LRP1B: variants seen among roughly 807,000 people sequenced by gnomAD.
LRP1B encodes the protein LDL receptor related protein 1B, also known as low-density lipoprotein receptor-related protein 1B.
In LRP1B, 217 loss-of-function variants were observed where a neutral mutation model predicts 556.6. The ratio of observed to expected loss-of-function variants is 0.39; its 90% CI spans 0.35 to 0.44. LRP1B has a LOEUF of 0.44. LRP1B is among the 20% of genes least tolerant of loss of function. The pLI, the probability that LRP1B is intolerant of heterozygous loss-of-function variation, is 1.00. For missense variants in LRP1B, 5,053 were observed against 5,620.8 expected, an observed-to-expected ratio of 0.90 and a Z score of 3.23; for synonymous variants, 2,047 against 1,865.8, an observed-to-expected ratio of 1.10 and a Z score of -2.50.
At chr2:141,238,713 G>A (rs1378592392) in intron 5 of LRP1B, among the ~76,000 whole-genome samples, 2 of 152,046 alleles carry the variant, frequency 1.3e-5, no homozygotes, top group African/African-American at 2.4e-5. Context: ...TTTAGAGAGA[G>A]TAATCTAATT....
intron 3 of LRP1B, among the ~76,000 whole-genome samples, chr2:141,327,868 T>C (rs1265055038): frequency 1.5e-5 from 2 of 131,202 alleles, no homozygotes; most frequent in African/African-American, 3.3e-5. Context: ...GGTAGATAGA[T>C]AAAGAGTGAG....
chr2:140,815,437 G>T (rs1400141045), intron 31 of LRP1B, among the ~76,000 whole-genome samples: 1 of 152,034 alleles, frequency 6.6e-6, no homozygotes, highest in Non-Finnish European at 1.5e-5. Context: ...CTCCTGAGCT[G>T]CTGGAATTAT....
At chr2:141,125,571 C>T (rs983606913) in intron 7 of LRP1B, among the ~76,000 whole-genome samples, 1 of 152,152 alleles carries the variant, frequency 6.6e-6, no homozygotes, top group Non-Finnish European at 1.5e-5. Flanking sequence ...GTTCTATTTA[C>T]TTCTCCACTG....
intron 86 of LRP1B, among the ~76,000 whole-genome samples, chr2:140,262,638 G>T (rs1227836972): frequency 2.6e-5 from 4 of 152,078 alleles, no homozygotes; most frequent in Admixed American, 6.6e-5. Flanking sequence ...GTCAAGATAG[G>T]AGACTGATGT....
At chr2:141,245,093 A>G (rs551706046) in intron 5 of LRP1B, among the ~76,000 whole-genome samples, 1 of 152,278 alleles carries the variant, frequency 6.6e-6, no homozygotes, top group South Asian at 2.1e-4. Context: ...TCTGTGTAGC[A>G]CTAGTGTGTG....
chr2:142,029,967 C>T (rs1231704151), intron 1 of LRP1B, among the ~76,000 whole-genome samples: 1 of 151,354 alleles, frequency 6.6e-6, no homozygotes, highest in African/African-American at 2.4e-5. Context: ...CTGACCTTAA[C>T]TTTTTTTCTA....
At chr2:141,873,899 G>A (rs1318114171) in intron 1 of LRP1B, among the ~76,000 whole-genome samples, 1 of 151,670 alleles carries the variant, frequency 6.6e-6, no homozygotes, top group African/African-American at 2.4e-5. Flanking sequence ...GTATAGCCTA[G>A]TGAATTTTCA....
At chr2:140,562,191 G>T (rs1166392645) in intron 43 of LRP1B, among the ~76,000 whole-genome samples, 1 of 152,098 alleles carries the variant, frequency 6.6e-6, no homozygotes, top group African/African-American at 2.4e-5. Flanking sequence ...AAAGTTTAGT[G>T]ACTTTATCTT....
chr2:141,927,799 A>G (rs1321126047), intron 1 of LRP1B, among the ~76,000 whole-genome samples: 18 of 148,956 alleles, frequency 1.2e-4, no homozygotes, highest in African/African-American at 3.7e-4. Context: ...CTAACATTAC[A>G]TGTGTCTTCT....
At chr2:141,971,118 G>A (rs939828309) in intron 1 of LRP1B, among the ~76,000 whole-genome samples, 3 of 151,418 alleles carry the variant, frequency 2.0e-5, no homozygotes, top group Non-Finnish European at 4.4e-5. Flanking sequence ...AAATCCTTTT[G>A]AGCATGGAGC....
intron 3 of LRP1B, among the ~76,000 whole-genome samples, chr2:141,368,694 AGTTGTGAT>A (rs1355555488): frequency 6.6e-6 from 1 of 152,198 alleles, no homozygotes; most frequent in Non-Finnish European, 1.5e-5. Flanking sequence ...GCTTTATCAC[AGTTGTGAT>A]TTCTTATAAA....
intron 1 of LRP1B, among the ~76,000 whole-genome samples, chr2:141,998,229 A>T (rs1702554125): frequency 6.6e-6 from 1 of 152,236 alleles, no homozygotes; most frequent in East Asian, 1.9e-4. Flanking sequence ...GATTTCTATA[A>T]TTGTATGTTT....
intron 3 of LRP1B, among the ~76,000 whole-genome samples, chr2:141,273,918 T>G (rs569126618): frequency 1.4e-4 from 21 of 152,362 alleles, no homozygotes; most frequent in African/African-American, 4.6e-4. Context: ...TGCAGATATT[T>G]CTGTAAAGAA....
Position 140,233,095 on chromosome 2 carries a change from C to G in LRP1B, c.*91G>C, listed in dbSNP as rs909062418. The G allele has an allele frequency of 1.2e-6, 1 of 805,360 alleles. No individual in the cohort carries two copies. The highest frequency in any genetic ancestry group is 1.8e-5 in the African/African-American group (1 of 55,454). The allele number at this position is 805,360 out of a possible 1,614,324, so 49.9% of individuals were successfully genotyped here. ...GAAAAAGATAAAGAAAGAGGTAATG[C>G]TGATGCCAAAACAAGTATAATACTG... On this transcript the variant is annotated 3_prime_UTR_variant, in exon 91 of 91. Coordinates refer to ENST00000389484, the MANE Select transcript of LRP1B (RefSeq NM_018557.3).
chr2:141,725,553 G>T (rs77883078), intron 2 of LRP1B, among the ~76,000 whole-genome samples: 2 of 151,746 alleles, frequency 1.3e-5, no homozygotes, highest in Admixed American at 6.6e-5. Context: ...TTTATTAGTC[G>T]TTGTGGGTAT....
chr2:140,419,291 C>G (rs1158674455), intron 66 of LRP1B, among the ~76,000 whole-genome samples: 4 of 152,134 alleles, frequency 2.6e-5, no homozygotes, highest in African/African-American at 9.6e-5. Context: ...AACAAAATTT[C>G]AAAAGATAAG....
chr2:140,468,290 C>T (rs1376551343), intron 60 of LRP1B, among the ~76,000 whole-genome samples: 1 of 152,150 alleles, frequency 6.6e-6, no homozygotes, highest in Non-Finnish European at 1.5e-5. Context: ...CAATTTCCAC[C>T]AGGATGCAGA....
rs144138571 is a variant in LRP1B at position 141,834,150 on chromosome 2, G to A, written c.83-23749C>T. 4.4e-3 allele frequency among the ~76,000 whole-genome samples: 661 copies of A among 151,952 alleles called. 5 individuals carry two copies. Among genetic ancestry groups the A allele is most frequent in the African/African-American group, 0.015 (632 of 41,512 alleles). Reference sequence around the variant, plus strand: ...GTTATGTTTTGAAGGGCTGCATTTGGTATGCTCACGTTTTCGACTTTATTT... The same window carrying A: ...GTTATGTTTTGAAGGGCTGCATTTGATATGCTCACGTTTTCGACTTTATTT... On this transcript the variant is annotated intron_variant, in intron 1 of 90. Coordinates refer to ENST00000389484, the MANE Select transcript of LRP1B (RefSeq NM_018557.3).
At chr2:141,709,210 G>A (rs547256465) in intron 2 of LRP1B, among the ~76,000 whole-genome samples, 10 of 151,960 alleles carry the variant, frequency 6.6e-5, no homozygotes, top group South Asian at 2.1e-4. Flanking sequence ...TTAGCCAGTT[G>A]TGGTGGCATG....
Sources: gnomAD v4.1 joint callset for allele counts (sites outside exome capture counted in the v4.1 genomes callset) on GRCh38, gnomAD v4.1.1 for gene constraint, MANE v1.5 for transcripts, NCBI Gene and HGNC (gene_info 2026-07-23, HGNC 2026-07-21) for gene names.